The following SESN2 variants were observed in gnomAD, a reference collection of about 807,000 sequenced individuals.
SESN2 encodes the protein sestrin 2, also known as sestrin-2.
A neutral mutation model predicts 56.0 loss-of-function variants in SESN2; 42 were observed. That is an observed-to-expected ratio of 0.75 (90% CI 0.59 to 0.97). The LOEUF (loss-of-function observed/expected upper bound fraction) is 0.97, where lower values mean the gene tolerates loss of function less well. Among genes scored for constraint, SESN2 ranks in the 50% least tolerant of loss-of-function variants. The pLI, the probability that SESN2 is intolerant of heterozygous loss-of-function variation, is 0.00. For missense variants in SESN2, 507 were observed against 649.4 expected, an observed-to-expected ratio of 0.78 and a Z score of 2.38; for synonymous variants, 264 against 267.1, an observed-to-expected ratio of 0.99 and a Z score of 0.11.
In SESN2 at chr1:28,279,201, T is replaced by C. The variant is rs749204940; in HGVS notation, c.1316T>C (p.Met439Thr). 6 of 1,614,060 alleles carry C rather than the reference T, an allele frequency of 3.7e-6. No individual in the cohort carries two copies. The highest frequency in any genetic ancestry group is 3.3e-5 in the Admixed American group (2 of 60,000). The stretch of plus-strand genomic sequence containing the variant: ...TACCCAGAGAAGACCACCCGAAGAA[T>C]GTACAACCTCTTCTGGAGGCACTTC... ...ACYPEKTTRR[M>T]YNLFWRHFRH... Residue 439 changes from methionine (M) to threonine (T), a missense_variant, in exon 9 of 10, where the codon ATG becomes ACG. Met to Thr is a moderately conservative substitution (Grantham distance 81, BLOSUM62 -1). Transcript: ENST00000253063.
chr1:28,271,019 TA>T (rs910605333), intron 2 of SESN2, among the ~76,000 whole-genome samples: 15 of 149,840 alleles, frequency 1.0e-4, no homozygotes, highest in African/African-American at 1.2e-4. Context: ...CCGTCTGTAT[TA>T]AAAAAAAAAG....
chr1:28,271,835 C>G lies in SESN2; in HGVS notation c.318C>G (p.Pro106=). ...LHYLLLHTDG[P]LASSWRHYIA... ...ACCTGCTGCTGCACACGGATGGTCC[C>G]TTGGCCAGCTCCTGGCGCCACTACA... Residue 106 remains proline, a synonymous_variant, in exon 3 of 10, where the codon CCC becomes CCG. Transcript: ENST00000253063. 6 of 1,614,172 alleles carry G rather than the reference C, an allele frequency of 3.7e-6. No individual in the cohort carries two copies. The highest frequency in any genetic ancestry group is 1.1e-5 in the South Asian group (1 of 91,088).
intron 1 of SESN2, among the ~76,000 whole-genome samples, chr1:28,268,557 C>T (rs940100869): frequency 6.6e-6 from 1 of 151,478 alleles, no homozygotes; most frequent in Non-Finnish European, 1.5e-5. Flanking sequence ...CCCAGCTACT[C>T]GGGAGGCTGA....
intron 9 of SESN2, 120 bp downstream of exon 9, chr1:28,279,361 G>A: frequency 1.0e-6 from 1 of 956,554 alleles, no homozygotes; most frequent in Non-Finnish European, 1.6e-6. Context: ...TGGGACACCT[G>A]GGCCTATTCC....
chr1:28,272,820 G>A lies in SESN2; in HGVS notation c.750+27G>A, dbSNP rs201099109. On this transcript the variant is annotated intron_variant, in intron 5 of 9. Transcript: ENST00000253063. ...TAAGTCACGGGCCTGGGTCTTGATC[G>A]GGGAGGAAGCGGGCATGACCTCTGG... The A allele has an allele frequency of 8.1e-5, 113 of 1,402,914 alleles. No homozygotes were observed. In the African/African-American group the frequency reaches 8.8e-4, roughly 11 times the overall value. The allele number at this position is 1,402,914 out of a possible 1,614,324, so 86.9% of individuals were successfully genotyped here.
At chr1:28,265,956 C>G (rs929177537) in intron 1 of SESN2, among the ~76,000 whole-genome samples, 1 of 152,210 alleles carries the variant, frequency 6.6e-6, no homozygotes, top group Non-Finnish European at 1.5e-5. Context: ...CATACAGTTA[C>G]TGTTTATTTC....
intron 1 of SESN2, among the ~76,000 whole-genome samples, chr1:28,264,566 T>C (rs1647494211): frequency 6.6e-6 from 1 of 151,368 alleles, no homozygotes; most frequent in Non-Finnish European, 1.5e-5. Context: ...GTTGCACTTT[T>C]CTTGTTCTGT....
At chr1:28,263,629 C>T (rs1322358484) in intron 1 of SESN2, among the ~76,000 whole-genome samples, 1 of 151,992 alleles carries the variant, frequency 6.6e-6, no homozygotes, top group African/African-American at 2.4e-5. Context: ...TGGGGCTTCT[C>T]CAAGAAGCCG....
intron 1 of SESN2, among the ~76,000 whole-genome samples, chr1:28,263,954 G>A (rs1453493328): frequency 1.3e-5 from 2 of 151,964 alleles, no homozygotes; most frequent in African/African-American, 4.8e-5. Flanking sequence ...GCCAGGCATG[G>A]TGGCTCATGC....
intron 2 of SESN2, among the ~76,000 whole-genome samples, chr1:28,269,919 G>T (rs921246169): frequency 2.6e-5 from 4 of 152,154 alleles, no homozygotes; most frequent in Admixed American, 6.6e-5. Flanking sequence ...GGATATAGTA[G>T]TGAACAAGAC....
intron 1 of SESN2, among the ~76,000 whole-genome samples, chr1:28,261,781 T>TATC (rs1253006064): frequency 8.4e-6 from 1 of 119,560 alleles, no homozygotes; most frequent in East Asian, 2.0e-4. Context: ...TTTCTTATCT[T>TATC]TTTTTTTTTT....
rs775861608 is a variant in SESN2, at chr1:28,272,565, C to A, written c.538-16C>A. The A allele has an allele frequency of 1.2e-6, 2 of 1,613,602 alleles. No homozygotes were observed. The highest frequency in any genetic ancestry group is 1.7e-5 in the Admixed American group (1 of 60,014). On this transcript the variant is annotated splice_polypyrimidine_tract_variant and intron_variant, in intron 4 of 9. Coordinates refer to ENST00000253063, the MANE Select transcript of SESN2 (RefSeq NM_031459.5). ...AGGCACTGAGCAGCTCTGACCTCCC[C>A]CCTTGTCCCTTCCAGGCCTTGCTGA...
chr1:28,262,870 G>A (rs965467171), intron 1 of SESN2, among the ~76,000 whole-genome samples: 1 of 152,224 alleles, frequency 6.6e-6, no homozygotes, highest in Non-Finnish European at 1.5e-5. Flanking sequence ...AGAGGTTGCA[G>A]TGAGCCGAGA....
In SESN2 at chr1:28,272,476, G is replaced by T. The variant is rs750403349; in HGVS notation, c.537+10G>T. 1.1e-5 allele frequency: 18 copies of T among 1,612,168 alleles called. No individual in the cohort carries two copies. In the Admixed American group the frequency reaches 2.8e-4, roughly 25 times the overall value. On this transcript the variant is annotated intron_variant, in intron 4 of 9. Transcript: ENST00000253063. ...CAAGGAACACATCCAGGTGCAGGGGGCAGAGAGGCGGGTGTCTGAGGGAGC... is the reference window on the plus strand; with the variant it reads ...CAAGGAACACATCCAGGTGCAGGGGTCAGAGAGGCGGGTGTCTGAGGGAGC...
In SESN2 at chr1:28,279,246, G is replaced by A. The variant is rs754323902; in HGVS notation, c.1356+5G>A. 1 of 1,613,900 alleles carries A rather than the reference G, an allele frequency of 6.2e-7. No homozygotes were observed. The highest frequency in any genetic ancestry group is 1.3e-5 in the African/African-American group (1 of 75,062). On this transcript the variant is annotated splice_donor_5th_base_variant and intron_variant, in intron 9 of 9. Coordinates refer to ENST00000253063, the MANE Select transcript of SESN2 (RefSeq NM_031459.5). ...CACTTCCGCCACTCAGAGAAGGTATGACCTATACAGGCAGGGCAGGATGGA... is the reference window on the plus strand; with the variant it reads ...CACTTCCGCCACTCAGAGAAGGTATAACCTATACAGGCAGGGCAGGATGGA...
intron 2 of SESN2, among the ~76,000 whole-genome samples, chr1:28,269,951 T>G (rs949934996): frequency 8.5e-5 from 13 of 152,356 alleles, no homozygotes; most frequent in Admixed American, 2.6e-4. Flanking sequence ...TTTGCCATTA[T>G]GGAGCTTACA....
rs763668445 is a variant in SESN2, at chr1:28,259,943, C to T, written c.90+6C>T. On this transcript the variant is annotated splice_donor_region_variant and intron_variant, in intron 1 of 9. Transcript: ENST00000253063. Reference sequence around the variant, plus strand: ...GCGACTCGGGCCCCGGAGAGGTAAGCGGCGGCCGCGCGACGCCCCTCTTCC... The same window carrying T: ...GCGACTCGGGCCCCGGAGAGGTAAGTGGCGGCCGCGCGACGCCCCTCTTCC... 82 of 1,496,522 alleles carry T rather than the reference C, an allele frequency of 5.5e-5. No homozygotes were observed. In the African/African-American group the frequency reaches 1.1e-3, roughly 20 times the overall value. The allele number at this position is 1,496,522 out of a possible 1,614,324, so 92.7% of individuals were successfully genotyped here. A position where few individuals can be genotyped will look rare whatever the true frequency, so the allele number is the denominator to read the frequency against.
intron 1 of SESN2, among the ~76,000 whole-genome samples, chr1:28,263,369 A>AGCC (rs1647447605): frequency 6.6e-6 from 1 of 152,134 alleles, no homozygotes; most frequent in South Asian, 2.1e-4. Context: ...AGTGTATGGC[A>AGCC]CCACTCACTC....
intron 1 of SESN2, among the ~76,000 whole-genome samples, chr1:28,260,325 ACTC>A (rs1046339308): frequency 6.7e-6 from 1 of 150,154 alleles, no homozygotes; most frequent in African/African-American, 2.5e-5. Context: ...CGGCCAGACC[ACTC>A]CTCCTCCCCG....
Sources: gnomAD v4.1 joint callset for allele counts (sites outside exome capture counted in the v4.1 genomes callset) on GRCh38, gnomAD v4.1.1 for gene constraint, MANE v1.5 for transcripts, NCBI Gene and HGNC (gene_info 2026-07-23, HGNC 2026-07-21) for gene names.